GALNT18: variants seen among roughly 807,000 people sequenced by gnomAD.
GALNT18 encodes the protein polypeptide N-acetylgalactosaminyltransferase 18, also known as GalNAc-transferase 18.
In GALNT18, 44 loss-of-function variants were observed where a neutral mutation model predicts 69.5. The observed-to-expected ratio is 0.63, with a 90% confidence interval of 0.50 to 0.81. The LOEUF (loss-of-function observed/expected upper bound fraction) is 0.81. GALNT18 is among the 40% of genes least tolerant of loss of function. The pLI is 0.00. For synonymous variants in GALNT18, 364 were observed against 318.2 expected, an observed-to-expected ratio of 1.14 and a Z score of -1.53; for missense variants, 715 against 810.0, an observed-to-expected ratio of 0.88 and a Z score of 1.42.
At chr11:11,535,118 A>T (rs1857746515) in intron 1 of GALNT18, among the ~76,000 whole-genome samples, 1 of 152,236 alleles carries the variant, frequency 6.6e-6, no homozygotes, top group Admixed American at 6.5e-5. Flanking sequence ...AGTCCCGTGG[A>T]GTATCTGCAT....
rs1856131953 is a variant in GALNT18, at chr11:11,465,260, C to A, written c.236-16324G>T. Among the ~76,000 whole-genome samples the A allele has an allele frequency of 6.6e-6, 1 of 152,100 alleles. No individual in the cohort carries two copies. The highest frequency in any genetic ancestry group is 1.5e-5 in the Non-Finnish European group (1 of 68,012). On this transcript the variant is annotated intron_variant, in intron 1 of 10. Coordinates refer to ENST00000227756, the MANE Select transcript of GALNT18 (RefSeq NM_198516.3). The surrounding 1 kb of genome is among the most constrained non-coding windows in gnomAD (Gnocchi z 5.7). ...CATTGGCACCGGGAGCTGAATGCCA[C>A]AGTGGGAGGGTCTGTATTTAGACTG...
chr11:11,332,596 T>C lies in GALNT18; in HGVS notation c.1416+98A>G. ...TCCCCAGGCCTACTGCAGTTCTTCA[T>C]GTGAGCAGCTGAGAGGCTCTTTCCC... On this transcript the variant is annotated intron_variant, in intron 8 of 10. Transcript: ENST00000227756. This position sits in a 1 kb window ranked among gnomAD's most constrained non-coding sequence, Gnocchi z 4.3. The C allele has an allele frequency of 7.1e-7, 1 of 1,400,718 alleles. No individual in the cohort carries two copies. Among genetic ancestry groups the C allele is most frequent in the Non-Finnish European group, 9.9e-7 (1 of 1,009,150 alleles). 86.8% of individuals were successfully genotyped at this position (1,400,718 alleles called of 1,614,324 possible).
In GALNT18 at chr11:11,454,763, A is replaced by G. The variant is rs747934769; in HGVS notation, c.236-5827T>C. On this transcript the variant is annotated intron_variant, in intron 1 of 10. Coordinates refer to ENST00000227756, the MANE Select transcript of GALNT18 (RefSeq NM_198516.3). This position sits in a 1 kb window ranked among gnomAD's most constrained non-coding sequence, Gnocchi z 4.2. ...TGAAACCCAGCCTGCGGTGTCCTCA[A>G]AGCTCTGGCAGACACGTTGATACCC... Among the ~76,000 whole-genome samples the G allele has an allele frequency of 2.6e-5, 4 of 151,948 alleles. No individual in the cohort carries two copies. Among genetic ancestry groups the G allele is most frequent in the Non-Finnish European group, 5.9e-5 (4 of 67,984 alleles).
chr11:11,279,358 C>T (rs1849018597), intron 10 of GALNT18, among the ~76,000 whole-genome samples: 2 of 152,132 alleles, frequency 1.3e-5, no homozygotes, highest in African/African-American at 4.8e-5. Flanking sequence ...AAAAAAACTT[C>T]AGTTCTTACA....
At chr11:11,529,638 T>TATAC (rs10624956) in intron 1 of GALNT18, among the ~76,000 whole-genome samples, 3,119 of 72,874 alleles carry the variant, frequency 0.043, 40 homozygotes, top group Non-Finnish European at 0.059. Flanking sequence ...TATATATATA[T>TATAC]ACACACACAC....
At chr11:11,429,080 T>A (rs1303486394) in intron 3 of GALNT18, among the ~76,000 whole-genome samples, 1 of 152,208 alleles carries the variant, frequency 6.6e-6, no homozygotes, top group East Asian at 1.9e-4. Context: ...TTTATCTTCA[T>A]CTGGCTTCGA....
intron 6 of GALNT18, among the ~76,000 whole-genome samples, chr11:11,361,524 TTCTA>T (rs1467286756): frequency 7.5e-5 from 3 of 40,224 alleles, no homozygotes; most frequent in East Asian, 2.3e-4. Context: ...TTATCTATCT[TTCTA>T]TCTATCTTTC....
At chr11:11,370,933 C>A (rs758923640) in intron 6 of GALNT18, among the ~76,000 whole-genome samples, 1 of 152,156 alleles carries the variant, frequency 6.6e-6, no homozygotes, top group Non-Finnish European at 1.5e-5. Context: ...TATCCAGGAG[C>A]AGTGCTGAAA....
chr11:11,292,574 C>T (rs929020097), intron 10 of GALNT18, among the ~76,000 whole-genome samples: 1 of 152,156 alleles, frequency 6.6e-6, no homozygotes, highest in African/African-American at 2.4e-5. Context: ...AGAGACCCAG[C>T]ACTGTCTACA....
At chr11:11,406,389 C>T (rs1279035970) in intron 3 of GALNT18, among the ~76,000 whole-genome samples, 1 of 152,180 alleles carries the variant, frequency 6.6e-6, no homozygotes. Context: ...TATCTGGTGA[C>T]AACTATCAAA....
intron 1 of GALNT18, among the ~76,000 whole-genome samples, chr11:11,525,114 T>C (rs1333689227): frequency 2.0e-5 from 3 of 152,020 alleles, no homozygotes; most frequent in African/African-American, 7.2e-5. Context: ...AAAATACATA[T>C]ATATGCATGA....
chr11:11,395,022 T>A (rs914500222), intron 3 of GALNT18, among the ~76,000 whole-genome samples: 2 of 152,260 alleles, frequency 1.3e-5, no homozygotes, highest in African/African-American at 4.8e-5. Flanking sequence ...CTCTGCGGTA[T>A]AAGGCAAAGT....
intron 1 of GALNT18, among the ~76,000 whole-genome samples, chr11:11,506,582 A>T (rs1008877260): frequency 6.6e-6 from 1 of 152,202 alleles, no homozygotes; most frequent in Admixed American, 6.5e-5. Context: ...CCATGCATCA[A>T]CCAGAACTAT....
intron 1 of GALNT18, among the ~76,000 whole-genome samples, chr11:11,611,352 T>C (rs2133963325): frequency 6.6e-6 from 1 of 152,112 alleles, no homozygotes; most frequent in South Asian, 2.1e-4. Context: ...GCGGAAGGAA[T>C]AACAAAAAAG....
chr11:11,276,498 T>C (rs1848950440), intron 10 of GALNT18, among the ~76,000 whole-genome samples: 2 of 152,206 alleles, frequency 1.3e-5, no homozygotes. Flanking sequence ...ACTTCCTCTC[T>C]CTCTTCCTAT....
At position 11,337,572 on chromosome 11, in the gene GALNT18, G is replaced by T. The variant is rs1442899319; in HGVS notation, c.1278+3247C>A. On this transcript the variant is annotated intron_variant, in intron 7 of 10. Transcript: ENST00000227756. This position sits in a 1 kb window ranked among gnomAD's most constrained non-coding sequence, Gnocchi z 4.9. ...GAACACTCTTTCACAGGCTGGTCAT[G>T]CAATGACAGAGAGATATTTAGGAGG... is the stretch of plus-strand genomic sequence containing the variant. Among the ~76,000 whole-genome samples the T allele has an allele frequency of 6.6e-6, 1 of 152,178 alleles. No individual in the cohort carries two copies. The highest frequency in any genetic ancestry group is 1.5e-5 in the Non-Finnish European group (1 of 68,038).
rs1248675590 is a variant in GALNT18 at position 11,332,044 on chromosome 11, A to G, written c.1416+650T>C. 6.6e-6 allele frequency among the ~76,000 whole-genome samples: 1 copy of G among 152,066 alleles called. No homozygotes were observed. The highest frequency in any genetic ancestry group is 2.4e-5 in the African/African-American group (1 of 41,402). On this transcript the variant is annotated intron_variant, in intron 8 of 10. Transcript: ENST00000227756. The surrounding 1 kb of genome is among the most constrained non-coding windows in gnomAD (Gnocchi z 4.3). ...TACTCTACGGGGATAGTATTGAATT[A>G]CCCCCATTTAACAGGTGAAGAAACT...
chr11:11,332,896 C>A lies in GALNT18; in HGVS notation c.1279-65G>T. 1 of 1,575,294 alleles carries A rather than the reference C, an allele frequency of 6.3e-7. No homozygotes were observed. On this transcript the variant is annotated intron_variant, in intron 7 of 10. Coordinates refer to ENST00000227756, the MANE Select transcript of GALNT18 (RefSeq NM_198516.3). The surrounding 1 kb of genome is among the most constrained non-coding windows in gnomAD (Gnocchi z 4.3). The stretch of plus-strand genomic sequence containing the variant: ...GGTTGCAGCTTCTCCCCAAACTCTA[C>A]TTTGGCATGACCTTGTGCCCCCAAC...
intron 1 of GALNT18, among the ~76,000 whole-genome samples, chr11:11,483,517 T>C (rs1035071911): frequency 3.9e-5 from 6 of 152,208 alleles, no homozygotes; most frequent in African/African-American, 1.4e-4. Context: ...AGGCCATTCA[T>C]TCTGGAGAAG....
Sources: gnomAD v4.1 joint callset for allele counts (sites outside exome capture counted in the v4.1 genomes callset) on GRCh38, gnomAD v4.1.1 for gene constraint, Gnocchi (gnomAD v3.1) non-coding constraint, MANE v1.5 for transcripts, NCBI Gene and HGNC (gene_info 2026-07-23, HGNC 2026-07-21) for gene names.